CHST15: variants seen among roughly 807,000 people sequenced by gnomAD.
CHST15 encodes carbohydrate sulfotransferase 15, also known as B cell RAG associated protein (GALNAC4S-6ST).
In CHST15, 30 loss-of-function variants were observed where a neutral mutation model predicts 53.6. That is an observed-to-expected ratio of 0.56 (90% confidence interval 0.42 to 0.76). The LOEUF is 0.76. CHST15 is among the 30% of genes least tolerant of loss of function. The probability of loss-of-function intolerance (pLI) is 0.00; values close to 1 mark genes in which losing one functional copy is unlikely to be tolerated. For synonymous variants in CHST15, 296 were observed against 289.8 expected (o/e 1.02, Z -0.22); for missense variants, 627 against 740.5 (o/e 0.85, Z 1.78).
rs1173891609 is a variant in CHST15, at chr10:124,045,709, T to C, written c.504A>G (p.Arg168=). The part of the protein sequence containing the change: ...SITTRIEFTT[R]QLPDLEDLKK... Reference sequence around the variant, plus strand: ...TAAGGTCTTCTAAGTCTGGGAGCTGTCTGGTCGTGAACTCAATCCTAGTTG... The same window carrying C: ...TAAGGTCTTCTAAGTCTGGGAGCTGCCTGGTCGTGAACTCAATCCTAGTTG... The change falls in exon 2 of 8, where the codon AGA becomes AGG. Residue 168 remains arginine, a synonymous_variant. Coordinates refer to ENST00000435907, the MANE Select transcript of CHST15 (RefSeq NM_001270764.2). The C allele has an allele frequency of 1.2e-6, 2 of 1,612,866 alleles. No homozygotes were observed. Among genetic ancestry groups the C allele is most frequent in the Middle Eastern group, 3.3e-4 (2 of 6,076 alleles).
Position 124,019,748 on chromosome 10 carries a change from A to G in CHST15, c.1347+1508T>C. ...ACTCCTACACTATCTTCTGCTTAAA[A>G]CCCTCTGAGGGGTCCCATCTCTCTC... On this transcript the variant is annotated intron_variant, in intron 6 of 7. Coordinates refer to ENST00000435907, the MANE Select transcript of CHST15 (RefSeq NM_001270764.2). This position sits in a 1 kb window ranked among gnomAD's most constrained non-coding sequence, Gnocchi z 4.6. 7 of 980,692 alleles carry G rather than the reference A, an allele frequency of 7.1e-6. No individual in the cohort carries two copies. The highest frequency in any genetic ancestry group is 8.5e-6 in the Non-Finnish European group (7 of 826,142). 60.7% of individuals were successfully genotyped at this position (980,692 alleles called of 1,614,324 possible). A position where few individuals can be genotyped will look rare whatever the true frequency, so the allele number is the denominator to read the frequency against.
At chr10:124,021,634 T>C (rs1038038404) in intron 5 of CHST15, among the ~76,000 whole-genome samples, 1 of 152,176 alleles carries the variant, frequency 6.6e-6, no homozygotes, top group Non-Finnish European at 1.5e-5. Flanking sequence ...ATGTCTATAC[T>C]GGCCCCACAC....
chr10:124,057,133 T>A (rs2134075956), intron 1 of CHST15, among the ~76,000 whole-genome samples: 1 of 152,364 alleles, frequency 6.6e-6, no homozygotes, highest in East Asian at 1.9e-4. Flanking sequence ...ACCCTGAGCA[T>A]CACTTCATCT....
rs1055797387 is a variant in CHST15 at position 124,017,493 on chromosome 10, G to A, written c.1347+3763C>T. ...CACGCAGGATCACCAAGAGGAGAAAGTTTCAAAAGGCACAATGTGGTAGAA... is the reference window on the plus strand; with the variant it reads ...CACGCAGGATCACCAAGAGGAGAAAATTTCAAAAGGCACAATGTGGTAGAA... On this transcript the variant is annotated intron_variant, in intron 6 of 7. Transcript: ENST00000435907. Among the ~76,000 whole-genome samples, 9 of 146,590 alleles carry A rather than the reference G, an allele frequency of 6.1e-5. No individual in the cohort carries two copies. In the East Asian group the frequency reaches 1.9e-3, roughly 30 times the overall value.
rs542063666 is a variant in CHST15 at position 124,008,729 on chromosome 10, T to A, written c.*1420A>T. Reference sequence around the variant, plus strand: ...AGACGGGTGCTTGCACTTTCTGGCTTTGGTGGGCGAGACCTTGGCCTGAGA... The same window carrying A: ...AGACGGGTGCTTGCACTTTCTGGCTATGGTGGGCGAGACCTTGGCCTGAGA... On this transcript the variant is annotated 3_prime_UTR_variant, in exon 8 of 8. Transcript: ENST00000435907. 3 of 1,147,010 alleles carry A rather than the reference T, an allele frequency of 2.6e-6. No individual in the cohort carries two copies. The Admixed American group carries it at 1.1e-4, about 43-fold the overall frequency. The allele number at this position is 1,147,010 out of a possible 1,614,324, so 71.1% of individuals were successfully genotyped here. A position where few individuals can be genotyped will look rare whatever the true frequency, so the allele number is the denominator to read the frequency against.
chr10:124,068,875 AAAC>A (rs1352341849), intron 1 of CHST15, among the ~76,000 whole-genome samples: 1 of 152,246 alleles, frequency 6.6e-6, no homozygotes, highest in Non-Finnish European at 1.5e-5. Flanking sequence ...ACAAATTTTC[AAAC>A]AATAAAAAGG....
At chr10:124,051,362 G>T (rs1016856076) in intron 1 of CHST15, among the ~76,000 whole-genome samples, 11 of 152,288 alleles carry the variant, frequency 7.2e-5, no homozygotes, top group Admixed American at 6.5e-4. Context: ...TAATGGGGTG[G>T]TATTGAAAGG....
intron 6 of CHST15, among the ~76,000 whole-genome samples, chr10:124,018,454 C>T (rs550905069): frequency 4.1e-4 from 63 of 152,248 alleles, no homozygotes; most frequent in Non-Finnish European, 7.9e-4. Context: ...AGCCACGAAT[C>T]CCTGTAAAGG....
Position 124,024,580 on chromosome 10 carries a change from A to C in CHST15, c.1191-3168T>G, listed in dbSNP as rs1946924554. 6.6e-6 allele frequency among the ~76,000 whole-genome samples: 1 copy of C among 152,210 alleles called. No individual in the cohort carries two copies. Among genetic ancestry groups the C allele is most frequent in the African/African-American group, 2.4e-5 (1 of 41,452 alleles). On this transcript the variant is annotated intron_variant, in intron 5 of 7. Coordinates refer to ENST00000435907, the MANE Select transcript of CHST15 (RefSeq NM_001270764.2). The surrounding 1 kb of genome is among the most constrained non-coding windows in gnomAD (Gnocchi z 4.0). ...TCCCCAGATCCACACTCGCCTGAGA[A>C]TATTCCCCAAGACAACACCACATCA... is the stretch of plus-strand genomic sequence containing the variant.
chr10:124,064,598 G>A (rs768706955), intron 1 of CHST15, among the ~76,000 whole-genome samples: 3 of 151,842 alleles, frequency 2.0e-5, no homozygotes, highest in Admixed American at 6.6e-5. Flanking sequence ...GCCCCTCTTC[G>A]TTGCTGGGCT....
In CHST15 at chr10:124,021,315, T is replaced by C. The variant is rs778594589; in HGVS notation, c.1288A>G (p.Met430Val). 4.3e-6 allele frequency: 7 copies of C among 1,612,920 alleles called. No homozygotes were observed. In the East Asian group the frequency reaches 6.7e-5, roughly 15 times the overall value. The change falls in exon 6 of 8, where the codon ATG (methionine) becomes GTG (valine). Residue 430 changes from methionine (M) to valine (V), a missense_variant. Met to Val is a conservative substitution (Grantham distance 21). Coordinates refer to ENST00000435907, the MANE Select transcript of CHST15 (RefSeq NM_001270764.2). ...TEALQLFENC[M>V]LDYSLRACVY... ...CAGGCGCGCAGTGAATAATCAAGCATGCAATTTTCAAACAGCTGCAGTGCT... is the reference window on the plus strand; with the variant it reads ...CAGGCGCGCAGTGAATAATCAAGCACGCAATTTTCAAACAGCTGCAGTGCT...
chr10:124,016,094 G>C (rs1316872564), intron 6 of CHST15, among the ~76,000 whole-genome samples: 2 of 152,106 alleles, frequency 1.3e-5, no homozygotes, highest in East Asian at 3.9e-4. Flanking sequence ...CAGGCACCAG[G>C]CTTCTCGGGA....
chr10:124,008,561 A>C lies in CHST15; in HGVS notation c.*1588T>G. 7 of 993,546 alleles carry C rather than the reference A, an allele frequency of 7.0e-6. No homozygotes were observed. The highest frequency in any genetic ancestry group is 8.4e-6 in the Non-Finnish European group (7 of 834,424). 61.5% of individuals were successfully genotyped at this position (993,546 alleles called of 1,614,324 possible). Reference sequence around the variant, plus strand: ...CAGCCCTGGCCATCCTGGCGCTCAGAGCCCTCTGCACACCTTCGAACGGGC... The same window carrying C: ...CAGCCCTGGCCATCCTGGCGCTCAGCGCCCTCTGCACACCTTCGAACGGGC... On this transcript the variant is annotated 3_prime_UTR_variant, in exon 8 of 8. Coordinates refer to ENST00000435907, the MANE Select transcript of CHST15 (RefSeq NM_001270764.2).
rs796678446 is a variant in CHST15 at position 124,045,131 on chromosome 10, A to C, written c.547-212T>G. Among the ~76,000 whole-genome samples, 21 of 111,726 alleles carry C rather than the reference A, an allele frequency of 1.9e-4. No individual in the cohort carries two copies. Among genetic ancestry groups the C allele is most frequent in the Admixed American group, 4.4e-4 (5 of 11,404 alleles). 73.3% of individuals were successfully genotyped at this position (111,726 alleles called of 152,430 possible). On this transcript the variant is annotated intron_variant, in intron 2 of 7. Coordinates refer to ENST00000435907, the MANE Select transcript of CHST15 (RefSeq NM_001270764.2). ...GCCCCACAAAAAAAAAAAAAAAAAA[A>C]AAAAAAAAAAAAACTTGGAGAGAAT...
At chr10:124,042,669 G>A (rs1947789582) in intron 3 of CHST15, among the ~76,000 whole-genome samples, 1 of 152,178 alleles carries the variant, frequency 6.6e-6, no homozygotes, top group Admixed American at 6.5e-5. Context: ...TCAAGGGCTG[G>A]AAGATACCAC....
At chr10:124,039,940 T>C (rs1947674263) in intron 4 of CHST15, among the ~76,000 whole-genome samples, 1 of 152,214 alleles carries the variant, frequency 6.6e-6, no homozygotes, top group African/African-American at 2.4e-5. Flanking sequence ...AAGTGTATCA[T>C]ATCCCTGCAG....
intron 1 of CHST15, among the ~76,000 whole-genome samples, chr10:124,078,481 C>T (rs1949144616): frequency 6.6e-6 from 1 of 152,190 alleles, no homozygotes; most frequent in Non-Finnish European, 1.5e-5. Flanking sequence ...CTCCAGCTCC[C>T]CTGGTCTGTC....
chr10:124,013,094 G>A (rs755838623), intron 6 of CHST15, among the ~76,000 whole-genome samples: 12 of 152,044 alleles, frequency 7.9e-5, no homozygotes, highest in Non-Finnish European at 1.3e-4. Flanking sequence ...ACTGCAAGCC[G>A]TGTGGTGAAG....
At chr10:124,090,037 G>A (rs76704387) in intron 1 of CHST15, among the ~76,000 whole-genome samples, 5,272 of 152,244 alleles carry the variant, frequency 0.035, 300 homozygotes, top group East Asian at 0.2. Context: ...GGACCTGGCC[G>A]CAGGCATGAT....
Sources: gnomAD v4.1 joint callset for allele counts (sites outside exome capture counted in the v4.1 genomes callset) on GRCh38, gnomAD v4.1.1 for gene constraint, Gnocchi (gnomAD v3.1) non-coding constraint, MANE v1.5 for transcripts, NCBI Gene and HGNC (gene_info 2026-07-23, HGNC 2026-07-21) for gene names.